GRM8: variants seen among roughly 807,000 people sequenced by gnomAD.
GRM8 encodes metabotropic glutamate receptor 8.
Under a neutral mutation model 87.2 loss-of-function variants are expected in GRM8, and 47 were observed. The ratio of observed to expected loss-of-function variants is 0.54; its 90% CI spans 0.43 to 0.69. GRM8 has a LOEUF of 0.69. Ranked by LOEUF, GRM8 falls within the 30% of genes least tolerant of loss-of-function variation. GRM8 has a pLI of 0.00. For synonymous variants in GRM8, 396 were observed against 404.5 expected, an observed-to-expected ratio of 0.98 and a Z score of 0.25; for missense variants, 1,019 against 1,139.2, an observed-to-expected ratio of 0.89 and a Z score of 1.52.
intron 2 of GRM8, among the ~76,000 whole-genome samples, chr7:127,203,868 A>G (rs17862320): frequency 0.041 from 6,297 of 152,144 alleles, 142 homozygotes; most frequent in South Asian, 0.1. Context: ...GAGAGACAGA[A>G]GAAAGAGAAA....
chr7:127,242,685 C>A lies in GRM8; in HGVS notation c.510+10G>T. 6.2e-7 allele frequency: 1 copy of A among 1,610,754 alleles called. No homozygotes were observed. The highest frequency in any genetic ancestry group is 8.5e-7 in the Non-Finnish European group (1 of 1,178,174). On this transcript the variant is annotated intron_variant, in intron 2 of 10. Transcript: ENST00000339582. The stretch of plus-strand genomic sequence containing the variant: ...TTCACAATGGTCAGAAAGACAATGC[C>A]TTTACCTACCTTAAAAAGTCTTAAA...
chr7:127,086,288 G>A (rs1042021525), intron 3 of GRM8, among the ~76,000 whole-genome samples: 3 of 152,082 alleles, frequency 2.0e-5, no homozygotes, highest in Non-Finnish European at 4.4e-5. Flanking sequence ...TTTTAGTAGA[G>A]GCCAGGTTTC....
intron 7 of GRM8, among the ~76,000 whole-genome samples, chr7:126,744,383 C>G (rs1427917803): frequency 6.6e-6 from 1 of 151,880 alleles, no homozygotes; most frequent in Non-Finnish European, 1.5e-5. Context: ...AAAATTTGGG[C>G]CTTCGTATAA....
chr7:127,007,321 T>C (rs1814418561), intron 3 of GRM8, among the ~76,000 whole-genome samples: 1 of 151,988 alleles, frequency 6.6e-6, no homozygotes, highest in Admixed American at 6.6e-5. Context: ...CTCATGACTG[T>C]AGGAGAGATT....
chr7:126,806,820 G>A (rs1382479400), intron 6 of GRM8, among the ~76,000 whole-genome samples: 1 of 152,176 alleles, frequency 6.6e-6, no homozygotes, highest in Non-Finnish European at 1.5e-5. Context: ...TGCGGAGCCC[G>A]CGCCTACCCG....
chr7:126,586,015 C>A (rs996960710), intron 8 of GRM8, among the ~76,000 whole-genome samples: 1 of 152,110 alleles, frequency 6.6e-6, no homozygotes, highest in Non-Finnish European at 1.5e-5. Context: ...GCAAAAATCA[C>A]AAGCATTCTC....
intron 8 of GRM8, among the ~76,000 whole-genome samples, chr7:126,535,693 G>A (rs750371250): frequency 1.3e-5 from 2 of 152,174 alleles, no homozygotes; most frequent in Non-Finnish European, 2.9e-5. Flanking sequence ...CATGTCTTAC[G>A]GGAAGCTGCT....
chr7:126,954,161 A>C lies in GRM8; in HGVS notation c.728-49478T>G, dbSNP rs147727188. ...TGCTAAGATGTACTTTCCAGATAAC[A>C]ATTCAGAAAACAGGTAGGAGACACA... On this transcript the variant is annotated intron_variant, in intron 3 of 10. Transcript: ENST00000339582. Among the ~76,000 whole-genome samples the C allele has an allele frequency of 9.8e-5, 15 of 152,300 alleles. No individual in the cohort carries two copies. In the East Asian group the frequency reaches 2.7e-3, roughly 27 times the overall value.
chr7:127,004,222 A>C (rs1384573622), intron 3 of GRM8, among the ~76,000 whole-genome samples: 1 of 151,680 alleles, frequency 6.6e-6, no homozygotes, highest in Non-Finnish European at 1.5e-5. Context: ...GAATTCAATT[A>C]CTATAGCTCT....
At chr7:126,529,550 G>GT (rs1814466460) in intron 9 of GRM8, among the ~76,000 whole-genome samples, 1 of 152,076 alleles carries the variant, frequency 6.6e-6, no homozygotes, top group Non-Finnish European at 1.5e-5. Context: ...TTTATTGGAG[G>GT]TTTTTTCTTT....
intron 7 of GRM8, among the ~76,000 whole-genome samples, chr7:126,676,602 C>T (rs752499658): frequency 2.6e-5 from 4 of 152,068 alleles, no homozygotes; most frequent in Non-Finnish European, 5.9e-5. Flanking sequence ...TTCTACAAAG[C>T]GGACAAAAAC....
At chr7:126,693,175 A>G (rs1199999506) in intron 7 of GRM8, among the ~76,000 whole-genome samples, 1 of 152,196 alleles carries the variant, frequency 6.6e-6, no homozygotes, top group Non-Finnish European at 1.5e-5. Context: ...AATTGTCAAC[A>G]TGGGTACAAA....
intron 9 of GRM8, among the ~76,000 whole-genome samples, chr7:126,532,513 C>G (rs1584965433): frequency 6.6e-6 from 1 of 152,014 alleles, no homozygotes; most frequent in Admixed American, 6.6e-5. Flanking sequence ...AGGCATTTGT[C>G]ATGCAGTGGC....
intron 3 of GRM8, among the ~76,000 whole-genome samples, chr7:127,007,258 C>A (rs1439924856): frequency 3.3e-5 from 5 of 151,858 alleles, no homozygotes; most frequent in East Asian, 1.9e-4. Context: ...AATGAGTTGC[C>A]ATTTTTGTTT....
At chr7:126,675,309 T>A (rs1380108280) in intron 7 of GRM8, among the ~76,000 whole-genome samples, 1 of 152,076 alleles carries the variant, frequency 6.6e-6, no homozygotes, top group Non-Finnish European at 1.5e-5. Flanking sequence ...AATTCTACCA[T>A]ATATTCAAAA....
intron 2 of GRM8, among the ~76,000 whole-genome samples, chr7:127,216,433 T>C (rs1483013103): frequency 6.7e-6 from 1 of 149,422 alleles, no homozygotes; most frequent in African/African-American, 2.5e-5. Context: ...CAGGAGAATT[T>C]CTTGAACCCA....
At chr7:126,653,655 T>C (rs556616708) in intron 7 of GRM8, among the ~76,000 whole-genome samples, 5 of 152,312 alleles carry the variant, frequency 3.3e-5, no homozygotes, top group East Asian at 3.9e-4. Context: ...CTGTTACATA[T>C]GGAAACTTCA....
At chr7:126,581,228 T>G (rs1374376659) in intron 8 of GRM8, among the ~76,000 whole-genome samples, 1 of 152,114 alleles carries the variant, frequency 6.6e-6, no homozygotes, top group Admixed American at 6.6e-5. Context: ...TCATTAGAAA[T>G]TCTCAGAAAA....
At chr7:126,536,203 T>G (rs1173648423) in intron 8 of GRM8, among the ~76,000 whole-genome samples, 1 of 152,220 alleles carries the variant, frequency 6.6e-6, no homozygotes, top group Non-Finnish European at 1.5e-5. Flanking sequence ...CCGAAGTATG[T>G]AGCTTTAGCA....
Sources: gnomAD v4.1 joint callset for allele counts (sites outside exome capture counted in the v4.1 genomes callset) on GRCh38, gnomAD v4.1.1 for gene constraint, MANE v1.5 for transcripts, NCBI Gene and HGNC (gene_info 2026-07-23, HGNC 2026-07-21) for gene names.